Variants in FCSK observed in about 807,000 individuals in gnomAD.
FCSK encodes L-fucose kinase.
FCSK carries 123 observed loss-of-function variants against 122.5 expected under a neutral mutation model. The observed-to-expected ratio is 1.00, with a 90% CI of 0.87 to 1.17. The LOEUF is 1.17. Ranked by LOEUF, FCSK falls within the 50% of genes most tolerant of loss-of-function variation. FCSK has a pLI of 0.00. For missense variants in FCSK, 1,366 were observed against 1,450.4 expected (o/e 0.94, Z 0.95); for synonymous variants, 620 against 625.5 (o/e 0.99, Z 0.13).
chr16:70,473,541 G>T lies in FCSK; in HGVS notation c.1777+188G>T, dbSNP rs1191312608. On this transcript the variant is annotated intron_variant, in intron 15 of 23. Transcript: ENST00000288078. This position sits in a 1 kb window ranked among gnomAD's most constrained non-coding sequence, Gnocchi z 4.9. ...CAATGGGGTTTGGTCTGAGGTTGAG[G>T]CATGTTCATCCTTGTCAGTGGGGTT... Among the ~76,000 whole-genome samples, 1 of 152,170 alleles carries T rather than the reference G, an allele frequency of 6.6e-6. No individual in the cohort carries two copies. The highest frequency in any genetic ancestry group is 1.5e-5 in the Non-Finnish European group (1 of 68,026).
At chr16:70,456,444 C>G (rs2048096152) in intron 1 of FCSK, among the ~76,000 whole-genome samples, 1 of 152,164 alleles carries the variant, frequency 6.6e-6, no homozygotes, top group Non-Finnish European at 1.5e-5. Flanking sequence ...TTTTGTTAAT[C>G]TCTCAGGGGA....
rs780677644 is a variant in FCSK at position 70,473,016 on chromosome 16, C to T, written c.1440C>T (p.Pro480=). 1.1e-5 allele frequency: 18 copies of T among 1,598,948 alleles called. No homozygotes were observed. Among genetic ancestry groups the T allele is most frequent in the African/African-American group, 8.1e-5 (6 of 74,424 alleles). Residue 480 remains proline, a synonymous_variant, in exon 15 of 24, where the codon CCC becomes CCT. Transcript: ENST00000288078. This position sits in a 1 kb window ranked among gnomAD's most constrained non-coding sequence, Gnocchi z 4.9. ...AWDLWDPETL[P]AEYCLPSARL... ...ACCTGTGGGACCCTGAGACGCTGCC[C>T]GCAGAGTACTGCCTTCCCAGCGCCC...
chr16:70,473,091 G>T lies in FCSK; in HGVS notation c.1515G>T (p.Leu505=). ...HPSRELGPQD[L]LWMLDHQEDG... ...CGAGGGAGCTGGGACCCCAGGACCT[G>T]CTGTGGATGCTGGACCACCAGGAGG... Residue 505 remains leucine, a synonymous_variant, in exon 15 of 24, where the codon CTG becomes CTT. Transcript: ENST00000288078. The surrounding 1 kb of genome is among the most constrained non-coding windows in gnomAD (Gnocchi z 4.9). 6.3e-7 allele frequency: 1 copy of T among 1,588,114 alleles called. No individual in the cohort carries two copies. Among genetic ancestry groups the T allele is most frequent in the Non-Finnish European group, 8.6e-7 (1 of 1,168,192 alleles).
In FCSK at chr16:70,479,866, G is replaced by A; in HGVS notation, c.*186G>A. ...GGACAGGACTGTGACCTGGTGGACAGGGGCCTAGATGTAGCCTCTGTTCCT... is the reference window on the plus strand; with the variant it reads ...GGACAGGACTGTGACCTGGTGGACAAGGGCCTAGATGTAGCCTCTGTTCCT... On this transcript the variant is annotated 3_prime_UTR_variant, in exon 24 of 24. Transcript: ENST00000288078. 1 of 560,988 alleles carries A rather than the reference G, an allele frequency of 1.8e-6. No individual in the cohort carries two copies. The highest frequency in any genetic ancestry group is 2.3e-5 in the South Asian group (1 of 43,676). 34.8% of individuals were successfully genotyped at this position (560,988 alleles called of 1,614,324 possible). A position where few individuals can be genotyped will look rare whatever the true frequency, so the allele number is the denominator to read the frequency against.
intron 11 of FCSK, among the ~76,000 whole-genome samples, chr16:70,470,762 A>T (rs2048586816): frequency 6.6e-6 from 1 of 152,164 alleles, no homozygotes; most frequent in Non-Finnish European, 1.5e-5. Context: ...GGTGGCCCCC[A>T]GGGTGGCAAG....
At chr16:70,471,928 C>T (rs1450427472) in intron 13 of FCSK, among the ~76,000 whole-genome samples, 8 of 151,816 alleles carry the variant, frequency 5.3e-5, no homozygotes, top group Non-Finnish European at 5.9e-5. Flanking sequence ...GCCTCAGCCT[C>T]CTGAGTAGCT....
chr16:70,472,985 C>G lies in FCSK; in HGVS notation c.1409C>G (p.Ala470Gly), dbSNP rs771899970. 6.2e-7 allele frequency: 1 copy of G among 1,602,476 alleles called. No individual in the cohort carries two copies. Among genetic ancestry groups the G allele is most frequent in the Non-Finnish European group, 8.5e-7 (1 of 1,175,036 alleles). ...SEFFKRTGVRAWDLWDPETLP... is the reference protein window; with the variant it reads ...SEFFKRTGVRGWDLWDPETLP... Reference sequence around the variant, plus strand: ...AATGTGCCTTCTCCCCACATCAGAGCCTGGGACCTGTGGGACCCTGAGACG... The same window carrying G: ...AATGTGCCTTCTCCCCACATCAGAGGCTGGGACCTGTGGGACCCTGAGACG... Residue 470 changes from alanine (A) to glycine (G), a missense_variant and splice_region_variant, in exon 15 of 24, where the codon GCC (alanine) becomes GGC (glycine). Transcript: ENST00000288078.
rs1393851258 is a variant in FCSK at position 70,472,550 on chromosome 16, G to C, written c.1351G>C (p.Ala451Pro). The change falls in exon 14 of 24, where the codon GCA becomes CCA. Residue 451 changes from alanine (A) to proline (P), a missense_variant. Transcript: ENST00000288078. ...GRLDSWERQG[A>P]GTYLNVPWSE... ...TCTTCCTCTCCCCCAGAGACAGGGG[G>C]CAGGCACATATCTCAACGTGCCCTG... 6.2e-7 allele frequency: 1 copy of C among 1,612,588 alleles called. No individual in the cohort carries two copies. The highest frequency in any genetic ancestry group is 1.3e-5 in the African/African-American group (1 of 74,854).
chr16:70,477,674 G>A (rs1034409950), intron 20 of FCSK: 3 of 152,582 alleles, frequency 2.0e-5, no homozygotes, highest in African/African-American at 7.2e-5. Context: ...CCTCTCCTCT[G>A]ACTAAAACTC....
intron 13 of FCSK, among the ~76,000 whole-genome samples, chr16:70,471,611 T>C (rs1283962444): frequency 2.0e-5 from 3 of 152,252 alleles, no homozygotes; most frequent in Admixed American, 6.5e-5. Context: ...TTTTGTTTTT[T>C]TTCTGGAGAT....
intron 14 of FCSK, 84 bp from the exon 15 acceptor site, chr16:70,472,899 A>G (rs2048673390): frequency 1.0e-5 from 15 of 1,469,266 alleles, no homozygotes; most frequent in African/African-American, 1.4e-5. Flanking sequence ...TCCTGTCCCC[A>G]TGAACTGACA....
intron 1 of FCSK, chr16:70,462,172 G>A (rs1196212903): frequency 6.7e-6 from 1 of 150,200 alleles, no homozygotes; most frequent in East Asian, 1.9e-4. Context: ...TTTGTTTTGA[G>A]GGTCTTGCTG....
At chr16:70,460,833 A>C (rs994849093) in intron 1 of FCSK, among the ~76,000 whole-genome samples, 1 of 152,202 alleles carries the variant, frequency 6.6e-6, no homozygotes, top group Non-Finnish European at 1.5e-5. Context: ...CCATGTAAAC[A>C]AGGTGGGAGA....
At chr16:70,468,068 C>G in intron 8 of FCSK, 102 bp downstream of exon 8, 3 of 863,588 alleles carry the variant, frequency 3.5e-6, no homozygotes, top group South Asian at 2.8e-5. Context: ...CCAGGACAAG[C>G]TAGAGCTAGA....
intron 10 of FCSK, among the ~76,000 whole-genome samples, chr16:70,469,932 C>A (rs112230403): frequency 6.6e-6 from 1 of 151,910 alleles, no homozygotes; most frequent in Non-Finnish European, 1.5e-5. Flanking sequence ...GCAACCTCTG[C>A]GTCTCAGGTT....
At chr16:70,467,339 GC>G in intron 6 of FCSK, 34 bp from the exon 7 acceptor site, 3 of 1,481,230 alleles carry the variant, frequency 2.0e-6, no homozygotes, top group Non-Finnish European at 2.8e-6. Context: ...TTGGGTGGAG[GC>G]CCCTGGGAGC....
At chr16:70,470,501 T>C in intron 11 of FCSK, 75 bp downstream of exon 11, 1 of 895,722 alleles carries the variant, frequency 1.1e-6, no homozygotes, top group Non-Finnish European at 1.8e-6. Flanking sequence ...GGGAAGAAAA[T>C]AGCCGGCACT....
chr16:70,478,713 T>G (rs182052268), intron 22 of FCSK, 63 bp downstream of exon 22: 1 of 1,401,484 alleles, frequency 7.1e-7, no homozygotes, highest in East Asian at 2.3e-5. Context: ...CTTGTGGGTT[T>G]GAGGCCAGGG....
chr16:70,463,885 C>T (rs753115979), intron 3 of FCSK, 111 bp downstream of exon 3: 2 of 1,227,340 alleles, frequency 1.6e-6, no homozygotes, highest in East Asian at 2.6e-5. Flanking sequence ...CAGCATTGGT[C>T]TCAGTTTTTG....
Sources: allele counts gnomAD v4.1 joint callset (sites outside exome capture counted in the v4.1 genomes callset), GRCh38; gene constraint gnomAD v4.1.1; non-coding constraint Gnocchi (gnomAD v3.1); transcripts MANE v1.5; gene names NCBI Gene and HGNC (gene_info 2026-07-23, HGNC 2026-07-21).